MTPAP: variants seen among roughly 807,000 people sequenced by gnomAD.
MTPAP encodes mitochondrial poly(A) polymerase.
In MTPAP, 23 loss-of-function variants were observed where a neutral mutation model predicts 48.7. That is an observed-to-expected ratio of 0.47 (90% CI 0.34 to 0.67). The LOEUF is 0.67. Ranked by LOEUF, MTPAP falls within the 30% of genes least tolerant of loss-of-function variation. The pLI is 0.01. For synonymous variants in MTPAP, 257 were observed against 254.1 expected (o/e 1.01, Z -0.11); for missense variants, 614 against 694.3 (o/e 0.88, Z 1.30).
intron 1 of MTPAP, among the ~76,000 whole-genome samples, chr10:30,344,085 T>C (rs1165927604): frequency 6.6e-6 from 1 of 152,224 alleles, no homozygotes; most frequent in Non-Finnish European, 1.5e-5. Flanking sequence ...TTGGCTTACC[T>C]GCTTAAATCC....
intron 5 of MTPAP, among the ~76,000 whole-genome samples, chr10:30,325,837 A>C (rs1038085517): frequency 9.2e-5 from 14 of 151,676 alleles, no homozygotes; most frequent in Non-Finnish European, 1.9e-4. Flanking sequence ...AACTTTTCCC[A>C]CCCCACTTTT....
In MTPAP at chr10:30,337,008, G is replaced by A; in HGVS notation, c.575C>T (p.Thr192Ile). Residue 192 changes from threonine (T) to isoleucine (I), a missense_variant, in exon 4 of 9, where the codon ACT (threonine) becomes ATT (isoleucine). Thr to Ile is a moderately conservative substitution (Grantham distance 89). Around this residue, in one of 5 missense-constraint regions of MTPAP, gnomAD observed 114 missense variants for 107.9 expected, o/e 1.06. Coordinates refer to ENST00000263063, the MANE Select transcript of MTPAP (RefSeq NM_018109.4). ...TGTTAGCTGGAACTCCTTCAAGAGAGTGTTCAGCTGATCGTCTATCTAGCT... is the reference window on the plus strand; with the variant it reads ...TGTTAGCTGGAACTCCTTCAAGAGAATGTTCAGCTGATCGTCTATCTAGCT... ...YAESIDDQLN[T>I]LLKEFQLTEE... 1 of 1,613,090 alleles carries A rather than the reference G, an allele frequency of 6.2e-7. No individual in the cohort carries two copies.
intron 5 of MTPAP, among the ~76,000 whole-genome samples, chr10:30,325,122 T>A (rs1006659102): frequency 6.6e-6 from 1 of 152,106 alleles, no homozygotes; most frequent in Non-Finnish European, 1.5e-5. Flanking sequence ...TATCTTGATA[T>A]AAAGAAAAAA....
At chr10:30,324,270 C>A (rs1834553889) in intron 5 of MTPAP, among the ~76,000 whole-genome samples, 1 of 152,070 alleles carries the variant, frequency 6.6e-6, no homozygotes, top group African/African-American at 2.4e-5. Flanking sequence ...GTAGTCCCAG[C>A]ATTTCAAAGC....
In MTPAP at chr10:30,349,229, G is replaced by A. The variant is rs2132875590; in HGVS notation, c.47C>T (p.Ala16Val). Residue 16 changes from alanine (A) to valine (V), a missense_variant, in exon 1 of 9, where the codon GCC becomes GTC. Around this residue, in one of 5 missense-constraint regions of MTPAP, gnomAD observed 125 missense variants for 111.5 expected, o/e 1.12. Coordinates refer to ENST00000263063, the MANE Select transcript of MTPAP (RefSeq NM_018109.4). ...VGLLTRLNLCARRRTRVQRPI... is the reference protein window; with the variant it reads ...VGLLTRLNLCVRRRTRVQRPI... Reference sequence around the variant, plus strand: ...CCGCTGGACTCGAGTTCTTCTCCGGGCACACAGGTTCAAACGGGTCAAGAG... The same window carrying A: ...CCGCTGGACTCGAGTTCTTCTCCGGACACACAGGTTCAAACGGGTCAAGAG... 4 of 1,597,372 alleles carry A rather than the reference G, an allele frequency of 2.5e-6. 1 individual carries two copies. The South Asian group carries it at 4.4e-5, about 18-fold the overall frequency.
rs968518146 is a variant in MTPAP, at chr10:30,327,194, A to T, written c.781-559T>A. ...AAAAAATAAACCAGATCCTTTGTTTAATACTAAAACTCGCCGGGTGCAGTG... is the reference window on the plus strand; with the variant it reads ...AAAAAATAAACCAGATCCTTTGTTTTATACTAAAACTCGCCGGGTGCAGTG... On this transcript the variant is annotated intron_variant, in intron 4 of 8. Transcript: ENST00000263063. 4.6e-5 allele frequency among the ~76,000 whole-genome samples: 7 copies of T among 152,276 alleles called. No individual in the cohort carries two copies. In the East Asian group the frequency reaches 1.3e-3, roughly 29 times the overall value.
At chr10:30,345,377 A>G (rs1005200466) in intron 1 of MTPAP, among the ~76,000 whole-genome samples, 7 of 152,222 alleles carry the variant, frequency 4.6e-5, no homozygotes, top group African/African-American at 1.7e-4. Context: ...ACAATGCTGC[A>G]ATGTCATCTG....
chr10:30,333,135 T>A (rs181173380), intron 4 of MTPAP, among the ~76,000 whole-genome samples: 168 of 151,632 alleles, frequency 1.1e-3, no homozygotes, highest in African/African-American at 3.8e-3. Context: ...AAAAATAAAT[T>A]AATTAATTAA....
At chr10:30,349,078 C>A in intron 1 of MTPAP, 41 bp downstream of exon 1, 2 of 1,613,590 alleles carry the variant, frequency 1.2e-6, no homozygotes, top group Non-Finnish European at 1.7e-6. Context: ...GACTCCTCGC[C>A]CGCTGTGGGA....
intron 4 of MTPAP, among the ~76,000 whole-genome samples, chr10:30,336,366 C>A (rs1834730748): frequency 6.6e-6 from 1 of 151,954 alleles, no homozygotes; most frequent in Admixed American, 6.6e-5. Flanking sequence ...TGATCGTATA[C>A]CTATATGTAG....
At chr10:30,332,379 G>A (rs1216375400) in intron 4 of MTPAP, among the ~76,000 whole-genome samples, 1 of 152,084 alleles carries the variant, frequency 6.6e-6, no homozygotes, top group Non-Finnish European at 1.5e-5. Flanking sequence ...TGCAACCTCT[G>A]CCTCACCGGG....
chr10:30,336,808 G>A lies in MTPAP; in HGVS notation c.775C>T (p.His259Tyr). The part of the protein sequence containing the change: ...DLDETRNLSA[H>Y]KISGNFLMEF... Reference sequence around the variant, plus strand: ...GTCAAAAGAAATAGACTTACCTTGTGAGCGCTGAGGTTTCTGGTTTCATCT... The same window carrying A: ...GTCAAAAGAAATAGACTTACCTTGTAAGCGCTGAGGTTTCTGGTTTCATCT... The change falls in exon 4 of 9, where the codon CAC becomes TAC. Residue 259 changes from histidine (H) to tyrosine (Y), a missense_variant. Transcript: ENST00000263063. 2 of 1,601,342 alleles carry A rather than the reference G, an allele frequency of 1.2e-6. No homozygotes were observed. The highest frequency in any genetic ancestry group is 1.3e-5 in the African/African-American group (1 of 74,756).
chr10:30,318,349 T>C (rs981830684), intron 6 of MTPAP, among the ~76,000 whole-genome samples: 2 of 152,220 alleles, frequency 1.3e-5, no homozygotes, highest in Non-Finnish European at 2.9e-5. Flanking sequence ...CAATTTATAA[T>C]ATGTTGAAGG....
intron 4 of MTPAP, among the ~76,000 whole-genome samples, chr10:30,333,432 C>T (rs970548281): frequency 1.3e-5 from 2 of 152,170 alleles, no homozygotes; most frequent in African/African-American, 4.8e-5. Context: ...GATCACATTA[C>T]TAGTAAGTAG....
chr10:30,331,922 G>T (rs1834672373), intron 4 of MTPAP, among the ~76,000 whole-genome samples: 1 of 152,166 alleles, frequency 6.6e-6, no homozygotes, highest in Admixed American at 6.5e-5. Flanking sequence ...TCGTGCATGG[G>T]ATATCATACA....
chr10:30,316,653 G>C (rs920664219), intron 6 of MTPAP, among the ~76,000 whole-genome samples: 2 of 151,086 alleles, frequency 1.3e-5, no homozygotes, highest in African/African-American at 4.9e-5. Flanking sequence ...ACTTTGGAAG[G>C]CTGAGGCGGG....
Position 30,311,081 on chromosome 10 carries a change from C to G in MTPAP, c.*2528G>C, listed in dbSNP as rs898273745. On this transcript the variant is annotated 3_prime_UTR_variant, in exon 9 of 9. Transcript: ENST00000263063. ...TAACCATATTACACCTAGCACCAAC[C>G]TAAAAAAGAAAATATCTGACTAAAT... 1 of 151,896 alleles carries G rather than the reference C, an allele frequency of 6.6e-6. No homozygotes were observed. The highest frequency in any genetic ancestry group is 1.5e-5 in the Non-Finnish European group (1 of 67,974). The allele number at this position is 151,896 out of a possible 1,614,324, so 9.4% of individuals were successfully genotyped here.
chr10:30,340,146 G>A, intron 3 of MTPAP, 80 bp downstream of exon 3: 1 of 1,175,172 alleles, frequency 8.5e-7, no homozygotes, highest in Non-Finnish European at 1.2e-6. Context: ...CAATAATGTA[G>A]CTTGAACATT....
At chr10:30,326,091 T>C (rs1834592504) in intron 5 of MTPAP, among the ~76,000 whole-genome samples, 1 of 152,164 alleles carries the variant, frequency 6.6e-6, no homozygotes, top group Admixed American at 6.5e-5. Context: ...TTTTTTCTTT[T>C]TTTGCCATCA....
Sources: gnomAD v4.1 joint callset for allele counts (sites outside exome capture counted in the v4.1 genomes callset) on GRCh38, gnomAD v4.1.1 for gene constraint, gnomAD v4.1.1 regional missense constraint, MANE v1.5 for transcripts, NCBI Gene and HGNC (gene_info 2026-07-23, HGNC 2026-07-21) for gene names.